PCF11: variants seen among roughly 807,000 people sequenced by gnomAD.
The protein encoded by PCF11 is PCF11 cleavage and polyadenylation factor subunit, also known as pre-mRNA cleavage complex 2 protein Pcf11.
Under a neutral mutation model 166.1 loss-of-function variants are expected in PCF11, and 19 were observed. That is an observed-to-expected ratio of 0.11 (90% CI 0.08 to 0.17). The LOEUF is 0.17. Ranked by LOEUF, PCF11 falls within the 10% of genes least tolerant of loss-of-function variation. The probability of loss-of-function intolerance (pLI) is 1.00; values close to 1 mark genes in which losing one functional copy is unlikely to be tolerated. For synonymous variants in PCF11, 663 were observed against 644.1 expected (o/e 1.03, Z -0.44); for missense variants, 1,565 against 1,855.5 (o/e 0.84, Z 2.88).
At chr11:83,162,611 T>C (rs916808735) in intron 2 of PCF11, among the ~76,000 whole-genome samples, 7 of 152,232 alleles carry the variant, frequency 4.6e-5, no homozygotes, top group African/African-American at 1.7e-4. Context: ...TTACTGAATC[T>C]AACTGGGCAT....
At chr11:83,165,896 A>G in exon 5 of PCF11, 2 of 1,606,074 alleles carry the variant, frequency 1.2e-6, no homozygotes, top group East Asian at 4.5e-5. Flanking sequence ...GTAAAACTAT[A>G]CCCTCTGAAA....
Position 83,184,622 on chromosome 11 carries a change from A to T in PCF11, c.4453-57A>T, listed in dbSNP as rs181252392. On this transcript the variant is annotated intron_variant, in intron 15 of 15. Coordinates refer to ENST00000298281, the Ensembl canonical transcript of PCF11. Reference sequence around the variant, plus strand: ...CAAGGGTCTTACAAGACTAAATGTTATTTAATGTGAGAATTTTGAACTTTC... The same window carrying T: ...CAAGGGTCTTACAAGACTAAATGTTTTTTAATGTGAGAATTTTGAACTTTC... 3.4e-4 allele frequency: 401 copies of T among 1,171,694 alleles called. No homozygotes were observed. In the African/African-American group the frequency reaches 5.5e-3, roughly 16 times the overall value. The allele number at this position is 1,171,694 out of a possible 1,614,324, so 72.6% of individuals were successfully genotyped here.
chr11:83,168,970 G>C (rs756718712), exon 8 of PCF11: 2 of 1,613,940 alleles, frequency 1.2e-6, no homozygotes, highest in South Asian at 2.2e-5. Context: ...TCTGAGGTTT[G>C]AGGGACATCG....
At chr11:83,163,510 T>C (rs1860337065) in intron 2 of PCF11, among the ~76,000 whole-genome samples, 169 bp from the exon 3 acceptor site, 1 of 152,214 alleles carries the variant, frequency 6.6e-6, no homozygotes, top group African/African-American at 2.4e-5. Flanking sequence ...TTAATTACTC[T>C]GTTTTTGAAG....
At position 83,163,608 on chromosome 11, in the gene PCF11, A is replaced by G. The variant is rs1860341032; in HGVS notation, c.319-71A>G. 6 of 509,930 alleles carry G rather than the reference A, an allele frequency of 1.2e-5. No homozygotes were observed. In the Admixed American group the frequency reaches 1.2e-4, roughly 10 times the overall value. The allele number at this position is 509,930 out of a possible 1,614,324, so 31.6% of individuals were successfully genotyped here. A position where few individuals can be genotyped will look rare whatever the true frequency, so the allele number is the denominator to read the frequency against. On this transcript the variant is annotated intron_variant, in intron 2 of 15. Transcript: ENST00000298281. ...TGTATGTGAAGTAGAGCAGATTTAT[A>G]TAACTTATATTTAATATATAAAATA...
intron 2 of PCF11, among the ~76,000 whole-genome samples, chr11:83,163,250 A>T (rs1361573352): frequency 2.0e-5 from 3 of 152,226 alleles, no homozygotes; most frequent in Non-Finnish European, 4.4e-5. Flanking sequence ...AGTTAGTGAG[A>T]TAGTTTTGCT....
intron 4 of PCF11, among the ~76,000 whole-genome samples, chr11:83,164,741 G>C (rs1860385682): frequency 6.6e-6 from 1 of 152,028 alleles, no homozygotes; most frequent in Admixed American, 6.6e-5. Context: ...GCCAGGTGGG[G>C]TAGTGCATCC....
chr11:83,180,941 G>T (rs1272525262), intron 11 of PCF11, 67 bp from the exon 12 acceptor site: 2 of 828,298 alleles, frequency 2.4e-6, no homozygotes, highest in East Asian at 5.5e-5. Flanking sequence ...TGAAATATTT[G>T]TAATTGGCTT....
At position 83,167,866 on chromosome 11, in the gene PCF11, G is replaced by A; in HGVS notation, c.2092+361G>A. ...GAGAATCTTTCACCCCATGAGGGCC[G>A]GAGAAGACATGACGAGCAAGTCTCT... is the stretch of plus-strand genomic sequence containing the variant. On this transcript the variant is annotated intron_variant, in intron 7 of 15. Coordinates refer to ENST00000298281, the Ensembl canonical transcript of PCF11. This position sits in a 1 kb window ranked among gnomAD's most constrained non-coding sequence, Gnocchi z 4.2. 5.3e-6 allele frequency: 7 copies of A among 1,310,186 alleles called. No individual in the cohort carries two copies. Among genetic ancestry groups the A allele is most frequent in the Non-Finnish European group, 7.0e-6 (7 of 1,003,022 alleles). The allele number at this position is 1,310,186 out of a possible 1,614,324, so 81.2% of individuals were successfully genotyped here. A position where few individuals can be genotyped will look rare whatever the true frequency, so the allele number is the denominator to read the frequency against.
At chr11:83,183,751 A>G (rs144528983) in intron 15 of PCF11, among the ~76,000 whole-genome samples, 4 of 152,000 alleles carry the variant, frequency 2.6e-5, no homozygotes, top group Admixed American at 1.3e-4. Flanking sequence ...TGGCCTCCCA[A>G]AGTGCTAGGA....
At chr11:83,184,752 T>C (rs1468423245) in exon 16 of PCF11, 2 of 1,611,932 alleles carry the variant, frequency 1.2e-6, no homozygotes, top group Non-Finnish European at 1.7e-6. Flanking sequence ...ATGTTGAACA[T>C]TGTCAAAAAC....
At chr11:83,168,304 A>G in intron 7 of PCF11, 124 bp from the exon 8 acceptor site, 1 of 902,456 alleles carries the variant, frequency 1.1e-6, no homozygotes, top group Non-Finnish European at 1.6e-6. Flanking sequence ...CTGCTGCTTT[A>G]CGCTGTCGGT....
chr11:83,162,079 A>T (rs1280860033), intron 2 of PCF11, among the ~76,000 whole-genome samples: 1 of 152,166 alleles, frequency 6.6e-6, no homozygotes, highest in Admixed American at 6.5e-5. Context: ...GAGATTGTAA[A>T]TTTCTTCCAT....
chr11:83,172,857 T>C (rs1013444580), intron 9 of PCF11, among the ~76,000 whole-genome samples: 1 of 152,230 alleles, frequency 6.6e-6, no homozygotes, highest in Non-Finnish European at 1.5e-5. Context: ...AATAAATTTA[T>C]GGAGTTTTCC....
At chr11:83,161,488 TA>T in intron 2 of PCF11, 36 bp downstream of exon 2, 3 of 1,456,158 alleles carry the variant, frequency 2.1e-6, no homozygotes, top group South Asian at 1.3e-5. Context: ...CGTTTTTTTT[TA>T]AAAAATGTGT....
intron 7 of PCF11, 103 bp from the exon 8 acceptor site, chr11:83,168,325 C>A: frequency 9.0e-7 from 1 of 1,106,624 alleles, no homozygotes; most frequent in Admixed American, 2.8e-5. Flanking sequence ...CTCTCCTGCC[C>A]CTCTAATGTA....
chr11:83,170,493 T>C (rs969677732), intron 8 of PCF11, among the ~76,000 whole-genome samples: 1 of 152,102 alleles, frequency 6.6e-6, no homozygotes, highest in Non-Finnish European at 1.5e-5. Context: ...TTACCACCTT[T>C]CCAGTCACTT....
At chr11:83,157,395 C>CT in exon 1 of PCF11, 1 of 1,569,336 alleles carries the variant, frequency 6.4e-7, no homozygotes, top group Non-Finnish European at 8.7e-7. Context: ...TCCAGAGCGG[C>CT]TTCAGCTTCA....
At chr11:83,158,834 G>A (rs1860112005) in intron 1 of PCF11, 1 of 152,202 alleles carries the variant, frequency 6.6e-6, no homozygotes, top group Middle Eastern at 3.2e-3. Context: ...GTTTTGAAAT[G>A]TGTGACTGGT....
Sources: allele counts gnomAD v4.1 joint callset (sites outside exome capture counted in the v4.1 genomes callset), GRCh38; gene constraint gnomAD v4.1.1; non-coding constraint Gnocchi (gnomAD v3.1); transcripts MANE v1.5; gene names NCBI Gene and HGNC (gene_info 2026-07-23, HGNC 2026-07-21).